Variants in PCDH15 observed in about 807,000 individuals in gnomAD.
PCDH15 encodes the protein protocadherin related 15, also known as protocadherin-15.
A neutral mutation model predicts 178.5 loss-of-function variants in PCDH15; 129 were observed. The ratio of observed to expected loss-of-function variants is 0.72; its 90% CI spans 0.63 to 0.84. The LOEUF is 0.84. PCDH15 is among the 40% of genes least tolerant of loss of function. The pLI is 0.00. For synonymous variants in PCDH15, 800 were observed against 732.0 expected (o/e 1.09, Z -1.50); for missense variants, 2,230 against 2,099.9 (o/e 1.06, Z -1.21).
chr10:55,113,955 A>T (rs1239388729), intron 2 of PCDH15, among the ~76,000 whole-genome samples: 1 of 151,620 alleles, frequency 6.6e-6, no homozygotes, highest in African/African-American at 2.4e-5. Flanking sequence ...TTTTATTTTT[A>T]TTTTTTTGAG....
At chr10:55,294,615 A>C (rs191857586) in intron 1 of PCDH15, among the ~76,000 whole-genome samples, 1 of 152,302 alleles carries the variant, frequency 6.6e-6, no homozygotes, top group Admixed American at 6.5e-5. Context: ...CTGCTCATTA[A>C]ATGTCCTGTT....
chr10:54,275,735 G>C lies in PCDH15; in HGVS notation c.877-38804C>G, dbSNP rs1476635052. ...GAGCAAGGCATCTCCCTTGCTGACA[G>C]AAAGGCTTCTTATAACTACAACATT... On this transcript the variant is annotated intron_variant, in intron 8 of 37. Coordinates refer to ENST00000644397, the MANE Select transcript of PCDH15 (RefSeq NM_001384140.1). Among the ~76,000 whole-genome samples the C allele has an allele frequency of 6.6e-5, 10 of 151,510 alleles. No homozygotes were observed. In the Admixed American group the frequency reaches 6.6e-4, roughly 10 times the overall value.
chr10:54,878,390 CAAAT>C (rs1275669667), intron 3 of PCDH15, among the ~76,000 whole-genome samples: 4 of 152,060 alleles, frequency 2.6e-5, no homozygotes, highest in Non-Finnish European at 1.5e-5. Flanking sequence ...TTGTTATTTA[CAAAT>C]ACAAATATGC....
chr10:54,552,072 T>C (rs2086678252), intron 2 of PCDH15, among the ~76,000 whole-genome samples: 1 of 152,166 alleles, frequency 6.6e-6, no homozygotes, highest in Non-Finnish European at 1.5e-5. Flanking sequence ...ACTGTAATAA[T>C]TTCACACCTA....
intron 21 of PCDH15, among the ~76,000 whole-genome samples, chr10:53,973,262 C>T (rs1255031378): frequency 2.3e-5 from 3 of 132,348 alleles, no homozygotes; most frequent in Non-Finnish European, 3.1e-5. Flanking sequence ...GGACACAGGG[C>T]GAGGAACATC....
At position 53,817,523 on chromosome 10, in the gene PCDH15, T is replaced by C. The variant is rs532812726; in HGVS notation, c.4452+472A>G. 3.2e-3 allele frequency among the ~76,000 whole-genome samples: 475 copies of C among 149,722 alleles called. 1 individual carries two copies. Among genetic ancestry groups the C allele is most frequent in the Non-Finnish European group, 4.5e-3 (306 of 67,388 alleles). On this transcript the variant is annotated intron_variant, in intron 34 of 37. Transcript: ENST00000644397. ...TGTTTTTTTTTTCTTTTTCTTTTTT[T>C]TTTCTTTTTTTTTTTTTTGAGACAG...
intron 2 of PCDH15, among the ~76,000 whole-genome samples, chr10:55,584,528 G>A (rs1842685263): frequency 6.6e-6 from 1 of 151,452 alleles, no homozygotes; most frequent in African/African-American, 2.4e-5. Flanking sequence ...GTGGTGGTGG[G>A]TGCCTGTAGT....
chr10:54,268,067 G>A (rs1418860401), intron 8 of PCDH15, among the ~76,000 whole-genome samples: 4 of 151,768 alleles, frequency 2.6e-5, no homozygotes, highest in Non-Finnish European at 4.4e-5. Flanking sequence ...CATGGTATGG[G>A]TACAAAAATA....
intron 18 of PCDH15, among the ~76,000 whole-genome samples, chr10:54,029,055 C>T (rs1036962483): frequency 3.9e-5 from 6 of 152,158 alleles, no homozygotes; most frequent in Admixed American, 6.6e-5. Flanking sequence ...AGAGCTATTT[C>T]CTTATCTATT....
At chr10:54,639,880 C>G (rs1299912176) in intron 2 of PCDH15, among the ~76,000 whole-genome samples, 3 of 152,112 alleles carry the variant, frequency 2.0e-5, no homozygotes, top group Non-Finnish European at 4.4e-5. Flanking sequence ...AAACAATGTA[C>G]TTTCCTGATA....
At chr10:55,337,684 A>G (rs1844433069) in intron 2 of PCDH15, among the ~76,000 whole-genome samples, 1 of 152,186 alleles carries the variant, frequency 6.6e-6, no homozygotes, top group South Asian at 2.1e-4. Context: ...TTGGTCTCTA[A>G]TAATATATTA....
chr10:54,970,486 A>G (rs1321342137), intron 2 of PCDH15, among the ~76,000 whole-genome samples: 10 of 152,190 alleles, frequency 6.6e-5, no homozygotes, highest in African/African-American at 2.4e-4. Context: ...GAAAATGTGA[A>G]GACAATTCTG....
At chr10:55,236,467 G>C (rs1474818974) in intron 1 of PCDH15, among the ~76,000 whole-genome samples, 2 of 151,954 alleles carry the variant, frequency 1.3e-5, no homozygotes, top group African/African-American at 4.8e-5. Flanking sequence ...CAGTTAATGA[G>C]GTGAGCAACA....
intron 32 of PCDH15, chr10:53,823,655 C>A: frequency 2.0e-6 from 1 of 491,566 alleles, no homozygotes; most frequent in East Asian, 5.4e-5. Flanking sequence ...TAGTGTGATA[C>A]AGCAAAGCAT....
intron 15 of PCDH15, among the ~76,000 whole-genome samples, chr10:54,111,507 T>TG (rs2132707484): frequency 6.6e-6 from 1 of 152,288 alleles, no homozygotes; most frequent in South Asian, 2.1e-4. Context: ...AATGGGCTTT[T>TG]GGCCTGAAGC....
chr10:54,776,043 G>C (rs1222405127), intron 1 of PCDH15, among the ~76,000 whole-genome samples: 1 of 151,954 alleles, frequency 6.6e-6, no homozygotes, highest in Non-Finnish European at 1.5e-5. Context: ...TTTAACTTTT[G>C]GTTCTTATTT....
chr10:55,362,256 T>A (rs1845249083), intron 2 of PCDH15, among the ~76,000 whole-genome samples: 1 of 152,148 alleles, frequency 6.6e-6, no homozygotes, highest in Admixed American at 6.6e-5. Context: ...AAACTACTCG[T>A]GGTACTTTTT....
At chr10:54,917,775 T>G (rs980394152) in intron 2 of PCDH15, among the ~76,000 whole-genome samples, 22 of 152,162 alleles carry the variant, frequency 1.4e-4, no homozygotes, top group African/African-American at 5.3e-4. Context: ...ATGGGGAAGG[T>G]TCTCTGTGAA....
chr10:54,042,189 A>G (rs760608879), intron 18 of PCDH15, among the ~76,000 whole-genome samples: 4 of 151,950 alleles, frequency 2.6e-5, no homozygotes, highest in Non-Finnish European at 5.9e-5. Flanking sequence ...GGTGATGGTA[A>G]ATTCTCTCTT....
Sources: gnomAD v4.1 joint callset for allele counts (sites outside exome capture counted in the v4.1 genomes callset) on GRCh38, gnomAD v4.1.1 for gene constraint, MANE v1.5 for transcripts, NCBI Gene and HGNC (gene_info 2026-07-23, HGNC 2026-07-21) for gene names.